The following AFAP1L2 variants were observed in gnomAD, a reference collection of about 807,000 sequenced individuals.
AFAP1L2 encodes the protein actin filament associated protein 1 like 2, also known as actin filament-associated protein 1-like 2.
Under a neutral mutation model 99.3 loss-of-function variants are expected in AFAP1L2, and 46 were observed. That is an observed-to-expected ratio of 0.46 (90% CI 0.37 to 0.59). AFAP1L2 has a LOEUF of 0.59. AFAP1L2 is among the 20% of genes least tolerant of loss of function. The probability of loss-of-function intolerance (pLI) is 0.00; values close to 1 mark genes in which losing one functional copy is unlikely to be tolerated. For missense variants in AFAP1L2, 959 were observed against 1,034.9 expected, an observed-to-expected ratio of 0.93 and a Z score of 1.01; for synonymous variants, 397 against 419.1, an observed-to-expected ratio of 0.95 and a Z score of 0.64.
At chr10:114,401,572 A>T (rs1195616631) in intron 1 of AFAP1L2, among the ~76,000 whole-genome samples, 2 of 152,198 alleles carry the variant, frequency 1.3e-5, no homozygotes, top group African/African-American at 4.8e-5. Flanking sequence ...TACCATCGCT[A>T]TTTATGGCAA....
intron 5 of AFAP1L2, 105 bp from the exon 6 acceptor site, chr10:114,315,870 A>C: frequency 9.0e-7 from 1 of 1,113,496 alleles, no homozygotes; most frequent in Non-Finnish European, 1.3e-6. Context: ...GCCAGACCAC[A>C]GCCCCCGACT....
intron 1 of AFAP1L2, among the ~76,000 whole-genome samples, chr10:114,383,713 G>A (rs1352871927): frequency 2.0e-5 from 3 of 152,126 alleles, no homozygotes; most frequent in Non-Finnish European, 4.4e-5. Context: ...ACAAAAAGAA[G>A]AGGAGAAAGG....
chr10:114,363,289 G>T, intron 1 of AFAP1L2: 2 of 550,214 alleles, frequency 3.6e-6, no homozygotes, highest in Non-Finnish European at 4.6e-6. Context: ...GTAGCCTGCA[G>T]AATTCACGAC....
intron 12 of AFAP1L2, 132 bp from the exon 13 acceptor site, chr10:114,301,597 C>G: frequency 1.5e-6 from 1 of 666,174 alleles, no homozygotes; most frequent in Non-Finnish European, 2.7e-6. Context: ...GGGGCTGACA[C>G]TCACCTCCAT....
chr10:114,327,169 A>AT (rs1392379654), intron 4 of AFAP1L2, among the ~76,000 whole-genome samples: 1 of 75,564 alleles, frequency 1.3e-5, no homozygotes, highest in African/African-American at 3.9e-5. Context: ...ATATATATAT[A>AT]TATATTTTTT....
Position 114,395,022 on chromosome 10 carries a change from C to A in AFAP1L2, c.16+9418G>T, listed in dbSNP as rs956169277. 2.0e-5 allele frequency among the ~76,000 whole-genome samples: 3 copies of A among 152,272 alleles called. No individual in the cohort carries two copies. The South Asian group carries it at 6.2e-4, about 32-fold the overall frequency. ...GTAACATCAACGGTAGGGACCCCAT[C>A]TCTAAAACATGCCAAAGACATGTGA... On this transcript the variant is annotated intron_variant, in intron 1 of 18. Coordinates refer to ENST00000304129, the MANE Select transcript of AFAP1L2 (RefSeq NM_001001936.3).
chr10:114,347,320 G>T (rs951008051), intron 1 of AFAP1L2, among the ~76,000 whole-genome samples: 1 of 152,112 alleles, frequency 6.6e-6, no homozygotes, highest in African/African-American at 2.4e-5. Context: ...TGAGCTTCTG[G>T]AAAAATACAC....
intron 1 of AFAP1L2, among the ~76,000 whole-genome samples, chr10:114,359,715 G>A (rs1406416717): frequency 1.3e-5 from 2 of 152,158 alleles, no homozygotes; most frequent in African/African-American, 2.4e-5. Context: ...ATAGTTCTTG[G>A]TACACTGTAA....
chr10:114,330,814 T>C (rs996685227), intron 4 of AFAP1L2, among the ~76,000 whole-genome samples: 3 of 152,134 alleles, frequency 2.0e-5, no homozygotes, highest in Non-Finnish European at 4.4e-5. Flanking sequence ...AGAGACAAGG[T>C]CCTTGTCCTC....
rs752744727 is a variant in AFAP1L2, at chr10:114,340,791, G to T, written c.17-60C>A. The T allele has an allele frequency of 1.9e-6, 3 of 1,611,394 alleles. No homozygotes were observed. In the South Asian group the frequency reaches 3.3e-5, roughly 18 times the overall value. The stretch of plus-strand genomic sequence containing the variant: ...TGCCCGCTCTCCAAAGCCCAGCTCA[G>T]ATACACCTCGGGACCCTGCAGCCTC... On this transcript the variant is annotated intron_variant, in intron 1 of 18. Transcript: ENST00000304129.
chr10:114,310,770 C>T (rs2043112003), intron 7 of AFAP1L2, among the ~76,000 whole-genome samples: 1 of 152,100 alleles, frequency 6.6e-6, no homozygotes, highest in African/African-American at 2.4e-5. Context: ...AGCCCCTTTC[C>T]TGCCACCATT....
chr10:114,289,218 C>T, the AFAP1L2 span: 1 of 1,613,726 alleles, frequency 6.2e-7, no homozygotes, highest in Non-Finnish European at 8.5e-7. Flanking sequence ...TGCTGCACAT[C>T]TATGACAAAG....
upstream of AFAP1L2, among the ~76,000 whole-genome samples, chr10:114,405,008 G>A (rs529039029): frequency 2.2e-4 from 33 of 152,318 alleles, no homozygotes; most frequent in African/African-American, 7.7e-4. Context: ...GGAGGGGCGA[G>A]GAGGGCAGCG....
At chr10:114,301,247 A>ACTCAT (rs2041128500) in intron 13 of AFAP1L2, 107 bp downstream of exon 13, 25 of 901,494 alleles carry the variant, frequency 2.8e-5, no homozygotes, top group Middle Eastern at 2.5e-4. Flanking sequence ...CTCAGAACCC[A>ACTCAT]CTCATCTCAT....
At chr10:114,348,164 T>C (rs999031838) in intron 1 of AFAP1L2, among the ~76,000 whole-genome samples, 7 of 152,240 alleles carry the variant, frequency 4.6e-5, no homozygotes, top group African/African-American at 1.7e-4. Context: ...TTCCATTATA[T>C]GGATATACTA....
chr10:114,384,177 C>T (rs934385678), intron 1 of AFAP1L2, among the ~76,000 whole-genome samples: 5 of 152,320 alleles, frequency 3.3e-5, no homozygotes, highest in Admixed American at 1.3e-4. Context: ...GAAGGCAGTG[C>T]GTGAGAGGCA....
intron 4 of AFAP1L2, among the ~76,000 whole-genome samples, chr10:114,326,775 G>C (rs2135407387): frequency 6.6e-6 from 1 of 152,274 alleles, no homozygotes; most frequent in East Asian, 1.9e-4. Flanking sequence ...GGGGAGAATA[G>C]AAATATCTGT....
intron 5 of AFAP1L2, chr10:114,319,447 C>A: frequency 1.3e-6 from 1 of 774,438 alleles, no homozygotes; most frequent in Non-Finnish European, 1.8e-6. Context: ...AAGTGCAAGA[C>A]TCATGCACGA....
chr10:114,349,439 C>T (rs2050120320), intron 1 of AFAP1L2, among the ~76,000 whole-genome samples: 2 of 145,126 alleles, frequency 1.4e-5, no homozygotes, highest in African/African-American at 5.1e-5. Flanking sequence ...AAAAAGAAGA[C>T]TGAGCCAGGT....
Sources: gnomAD v4.1 joint callset for allele counts (sites outside exome capture counted in the v4.1 genomes callset) on GRCh38, gnomAD v4.1.1 for gene constraint, MANE v1.5 for transcripts, NCBI Gene and HGNC (gene_info 2026-07-23, HGNC 2026-07-21) for gene names.